The following MMP26 variants were observed in gnomAD, a reference collection of about 807,000 sequenced individuals.
The protein encoded by MMP26 is matrix metalloproteinase-26.
Under a neutral mutation model 31.0 loss-of-function variants are expected in MMP26, and 33 were observed. The ratio of observed to expected loss-of-function variants is 1.06; its 90% confidence interval spans 0.81 to 1.42. The LOEUF is 1.42. Ranked by LOEUF, MMP26 falls within the 40% of genes most tolerant of loss-of-function variation. MMP26 has a pLI of 0.00. For synonymous variants in MMP26, 122 were observed against 114.9 expected (o/e 1.06, Z -0.40); for missense variants, 347 against 316.1 (o/e 1.10, Z -0.74).
intron 2 of MMP26, among the ~76,000 whole-genome samples, chr11:4,854,864 C>T (rs915371713): frequency 2.0e-5 from 3 of 152,208 alleles, no homozygotes; most frequent in African/African-American, 7.2e-5. Flanking sequence ...TGAGACGAAG[C>T]TTCCAGAGGA....
At chr11:4,939,473 G>C (rs1292558559) in intron 2 of MMP26, among the ~76,000 whole-genome samples, 3 of 152,076 alleles carry the variant, frequency 2.0e-5, no homozygotes, top group Non-Finnish European at 4.4e-5. Flanking sequence ...TTTCCTAAAA[G>C]AGTGGCTATC....
intron 2 of MMP26, among the ~76,000 whole-genome samples, chr11:4,974,956 G>C (rs914728258): frequency 1.7e-4 from 26 of 151,850 alleles, no homozygotes; most frequent in African/African-American, 6.3e-4. Flanking sequence ...GCCTGTCAGG[G>C]GTTGAGGTGG....
chr11:4,737,245 C>T (rs1197874661), intron 1 of MMP26, among the ~76,000 whole-genome samples: 2 of 152,184 alleles, frequency 1.3e-5, no homozygotes, highest in Non-Finnish European at 2.9e-5. Context: ...TTAACGTCTC[C>T]TTTCTACTTC....
intron 2 of MMP26, among the ~76,000 whole-genome samples, chr11:4,868,800 C>G (rs187480386): frequency 1.1e-3 from 167 of 152,306 alleles, no homozygotes; most frequent in African/African-American, 3.6e-3. Context: ...AGGCATCACG[C>G]TACCTGACTT....
At chr11:4,852,052 T>C (rs1227720806) in intron 2 of MMP26, among the ~76,000 whole-genome samples, 1 of 152,102 alleles carries the variant, frequency 6.6e-6, no homozygotes, top group Non-Finnish European at 1.5e-5. Flanking sequence ...ACAAAAGACA[T>C]ACCATAGATT....
chr11:4,959,258 AAAAAAAT>A (rs1219378989), intron 2 of MMP26, among the ~76,000 whole-genome samples: 3 of 151,758 alleles, frequency 2.0e-5, no homozygotes, highest in Non-Finnish European at 4.4e-5. Context: ...AAAAAAAAAA[AAAAAAAT>A]CTTACAAGAT....
chr11:4,920,379 T>C (rs1851165541), intron 2 of MMP26, among the ~76,000 whole-genome samples: 1 of 152,198 alleles, frequency 6.6e-6, no homozygotes, highest in South Asian at 2.1e-4. Flanking sequence ...CACAATGCAC[T>C]TCTTCTCCTC....
chr11:4,889,831 C>T (rs937269158), intron 2 of MMP26: 1 of 175,044 alleles, frequency 5.7e-6, no homozygotes, highest in Non-Finnish European at 1.3e-5. Context: ...TGTTGAGGGC[C>T]TTGAGCCGCT....
chr11:4,922,375 A>ACT (rs1851198256), intron 2 of MMP26, among the ~76,000 whole-genome samples: 1 of 79,192 alleles, frequency 1.3e-5, no homozygotes. Flanking sequence ...CATAGCAGAA[A>ACT]ATACCTACAT....
intron 2 of MMP26, among the ~76,000 whole-genome samples, chr11:4,857,346 A>G (rs531041708): frequency 6.6e-6 from 1 of 152,250 alleles, no homozygotes; most frequent in East Asian, 1.9e-4. Flanking sequence ...AATAAAGAAG[A>G]AAAGAGAGAA....
intron 2 of MMP26, chr11:4,943,628 G>A: frequency 2.7e-6 from 1 of 369,698 alleles, no homozygotes; most frequent in South Asian, 2.1e-5. Flanking sequence ...CCCCCAGGTT[G>A]CAACAACCGA....
chr11:4,869,894 A>T (rs1850288125), intron 2 of MMP26, among the ~76,000 whole-genome samples: 1 of 152,196 alleles, frequency 6.6e-6, no homozygotes, highest in South Asian at 2.1e-4. Flanking sequence ...ATGCAGCCAT[A>T]AAAAATGATG....
In MMP26 at chr11:4,990,556, C is replaced by T. The variant is rs377474213; in HGVS notation, c.321-42C>T. 190 of 1,557,328 alleles carry T rather than the reference C, an allele frequency of 1.2e-4. 1 individual carries two copies. In the African/African-American group the frequency reaches 2.4e-3, roughly 20 times the overall value. ...TTCATGTTTAGAGCTAGGATAATTC[C>T]CATTCCTCTGAACTATTTCATTTAG... On this transcript the variant is annotated intron_variant, in intron 4 of 7. Coordinates refer to ENST00000380390, the MANE Select transcript of MMP26 (RefSeq NM_021801.5).
chr11:4,796,683 G>A (rs766975236), intron 2 of MMP26, among the ~76,000 whole-genome samples: 4 of 152,168 alleles, frequency 2.6e-5, no homozygotes, highest in Admixed American at 1.3e-4. Context: ...TAGAGACAAA[G>A]TTGCTTGGGC....
In MMP26 at chr11:4,904,585, C is replaced by A. The variant is rs114706336; in HGVS notation, c.-144-83483C>A. ...TTTTTACTGTATGATTTCATTTACT[C>A]TTTGGTTTCAGATACCACCTATCAT... On this transcript the variant is annotated intron_variant, in intron 2 of 7. Transcript: ENST00000380390. Among the ~76,000 whole-genome samples, 1,056 of 152,132 alleles carry A rather than the reference C, an allele frequency of 6.9e-3. 11 individuals carry two copies. The highest frequency in any genetic ancestry group is 0.025 in the African/African-American group (1,030 of 41,540).
intron 2 of MMP26, among the ~76,000 whole-genome samples, chr11:4,805,723 C>A (rs1849258430): frequency 6.6e-6 from 1 of 152,332 alleles, no homozygotes; most frequent in African/African-American, 2.4e-5. Flanking sequence ...AATACCCAGA[C>A]AGAGCCCTAT....
intron 1 of MMP26, among the ~76,000 whole-genome samples, chr11:4,745,794 T>C (rs1400672808): frequency 1.3e-5 from 2 of 152,202 alleles, no homozygotes; most frequent in African/African-American, 2.4e-5. Context: ...CTGGAAACCA[T>C]TGATTTTTAT....
chr11:4,718,082 TCA>T (rs1325922860), intron 1 of MMP26, among the ~76,000 whole-genome samples: 1 of 152,208 alleles, frequency 6.6e-6, no homozygotes, highest in Admixed American at 6.5e-5. Flanking sequence ...CAGGGTATTA[TCA>T]CACTGCAGAT....
chr11:4,904,118 A>G (rs1850846065), intron 2 of MMP26, among the ~76,000 whole-genome samples: 1 of 152,102 alleles, frequency 6.6e-6, no homozygotes, highest in African/African-American at 2.4e-5. Flanking sequence ...TGGCTAAGGA[A>G]GTTTTATTGA....
Sources: gnomAD v4.1 joint callset for allele counts (sites outside exome capture counted in the v4.1 genomes callset) on GRCh38, gnomAD v4.1.1 for gene constraint, MANE v1.5 for transcripts, NCBI Gene and HGNC (gene_info 2026-07-23, HGNC 2026-07-21) for gene names.